The following SRD5A2 variants were observed in gnomAD, a reference collection of about 807,000 sequenced individuals.
SRD5A2 encodes the protein 3-oxo-5-alpha-steroid 4-dehydrogenase 2.
SRD5A2 carries 30 observed loss-of-function variants against 27.4 expected under a neutral mutation model. The observed-to-expected ratio is 1.10, with a 90% confidence interval of 0.82 to 1.49. The LOEUF is 1.49. Among genes scored for constraint, SRD5A2 ranks in the 40% most tolerant of loss-of-function variants. The pLI, the probability that SRD5A2 is intolerant of heterozygous loss-of-function variation, is 0.00. For missense variants in SRD5A2, 348 were observed against 323.4 expected, an observed-to-expected ratio of 1.08 and a Z score of -0.58; for synonymous variants, 141 against 133.6, an observed-to-expected ratio of 1.06 and a Z score of -0.38.
At position 31,539,536 on chromosome 2, in the gene SRD5A2, G is replaced by C. The variant is rs1404527738; in HGVS notation, c.282-5770C>G. The stretch of plus-strand genomic sequence containing the variant: ...CCCTTGCCAGGCTGTGTCAGAAAAG[G>C]CTGGGTAGGGAGTCAGGAATTCCTA... On this transcript the variant is annotated intron_variant, in intron 1 of 4. Coordinates refer to ENST00000622030, the MANE Select transcript of SRD5A2 (RefSeq NM_000348.4). Among the ~76,000 whole-genome samples, 5 of 152,274 alleles carry C rather than the reference G, an allele frequency of 3.3e-5. No individual in the cohort carries two copies. In the East Asian group the frequency reaches 9.7e-4, roughly 29 times the overall value.
chr2:31,553,058 T>C (rs1666412551), intron 1 of SRD5A2, among the ~76,000 whole-genome samples: 1 of 152,052 alleles, frequency 6.6e-6, no homozygotes, highest in African/African-American at 2.4e-5. Context: ...AAAAATGAGA[T>C]TCTCAGTAAA....
chr2:31,625,626 C>T, the SRD5A2 span, among the ~76,000 whole-genome samples: 1 of 152,046 alleles, frequency 6.6e-6, no homozygotes, highest in African/African-American at 2.4e-5. Context: ...GAATCCTTTC[C>T]CCATTTCTTC....
At chr2:31,646,905 G>A in the SRD5A2 span, among the ~76,000 whole-genome samples, 1 of 152,298 alleles carries the variant, frequency 6.6e-6, no homozygotes, top group African/African-American at 2.4e-5. Context: ...CCAACACTTT[G>A]GGAGGTCAAG....
At chr2:31,588,338 G>A in the SRD5A2 span, among the ~76,000 whole-genome samples, 1 of 152,038 alleles carries the variant, frequency 6.6e-6, no homozygotes, top group African/African-American at 2.4e-5. Context: ...AACTCCCAAA[G>A]ATCAAGGATA....
the SRD5A2 span, among the ~76,000 whole-genome samples, chr2:31,591,656 T>C: frequency 9.9e-3 from 1,503 of 151,684 alleles, 20 homozygotes; most frequent in South Asian, 0.044. Flanking sequence ...ATTGCATCAC[T>C]ATTCACAACA....
intron 1 of SRD5A2, among the ~76,000 whole-genome samples, chr2:31,539,650 C>T (rs1345510735): frequency 6.6e-6 from 1 of 152,158 alleles, no homozygotes; most frequent in East Asian, 1.9e-4. Context: ...CATCCTCCTG[C>T]TGGCCTGGGT....
At chr2:31,598,785 CA>C in the SRD5A2 span, among the ~76,000 whole-genome samples, 3 of 151,598 alleles carry the variant, frequency 2.0e-5, no homozygotes, top group Non-Finnish European at 4.4e-5. Context: ...AAACAGGAAA[CA>C]AATAAAAATA....
chr2:31,538,036 G>A (rs186758925), intron 1 of SRD5A2, among the ~76,000 whole-genome samples: 17 of 152,190 alleles, frequency 1.1e-4, no homozygotes, highest in East Asian at 5.8e-4. Context: ...TTATAGCAGC[G>A]CAAAACAGAC....
At chr2:31,536,969 C>G (rs1666040006) in intron 1 of SRD5A2, among the ~76,000 whole-genome samples, 1 of 152,096 alleles carries the variant, frequency 6.6e-6, no homozygotes, top group Non-Finnish European at 1.5e-5. Context: ...TTTATCATTG[C>G]TAAGTAAATA....
intron 1 of SRD5A2, among the ~76,000 whole-genome samples, chr2:31,558,684 G>A (rs551218091): frequency 1.3e-5 from 2 of 152,194 alleles, no homozygotes; most frequent in East Asian, 3.9e-4. Context: ...TGACATTTCG[G>A]TCAATGGCAC....
At chr2:31,599,392 A>G in the SRD5A2 span, among the ~76,000 whole-genome samples, 2 of 152,056 alleles carry the variant, frequency 1.3e-5, no homozygotes, top group Non-Finnish European at 2.9e-5. Context: ...TATTCTCAAA[A>G]TGGGCCATAT....
the SRD5A2 span, among the ~76,000 whole-genome samples, chr2:31,649,625 A>C: frequency 8.6e-5 from 13 of 151,970 alleles, no homozygotes; most frequent in Non-Finnish European, 1.9e-4. Flanking sequence ...CATTTCTTTA[A>C]ATCAGTTTAT....
chr2:31,579,456 T>C (rs1299992977), intron 1 of SRD5A2, among the ~76,000 whole-genome samples: 1 of 152,182 alleles, frequency 6.6e-6, no homozygotes. Flanking sequence ...ACCTTCAAGG[T>C]TTTGATTTCG....
Position 31,533,476 on chromosome 2 carries a change from G to T in SRD5A2, c.445+127C>A, listed in dbSNP as rs574276231. The T allele has an allele frequency of 6.1e-6, 5 of 822,726 alleles. No individual in the cohort carries two copies. In the South Asian group the frequency reaches 8.6e-5, roughly 14 times the overall value. The allele number at this position is 822,726 out of a possible 1,614,324, so 51.0% of individuals were successfully genotyped here. On this transcript the variant is annotated intron_variant, in intron 2 of 4. Transcript: ENST00000622030. The stretch of plus-strand genomic sequence containing the variant: ...GCTACCATATAGAGAAAAGATCAGG[G>T]TAGAGGTGAGGGAGGGGAAGATGGG...
intron 1 of SRD5A2, among the ~76,000 whole-genome samples, chr2:31,538,319 C>T (rs1302180824): frequency 6.6e-6 from 1 of 152,186 alleles, no homozygotes; most frequent in Admixed American, 6.5e-5. Flanking sequence ...CTCTCTCTCT[C>T]TCTCATTCTC....
the SRD5A2 span, among the ~76,000 whole-genome samples, chr2:31,629,387 A>G: frequency 6.6e-6 from 1 of 152,150 alleles, no homozygotes; most frequent in Admixed American, 6.5e-5. Flanking sequence ...CATTTTGGCG[A>G]CCATGAAGGG....
chr2:31,585,688 T>A (rs557114283), upstream of SRD5A2, among the ~76,000 whole-genome samples: 5 of 152,254 alleles, frequency 3.3e-5, no homozygotes, highest in Non-Finnish European at 7.4e-5. Flanking sequence ...TGGGTGAGCC[T>A]CTGAGACTAG....
At chr2:31,632,461 C>G in the SRD5A2 span, among the ~76,000 whole-genome samples, 1 of 152,242 alleles carries the variant, frequency 6.6e-6, no homozygotes, top group Non-Finnish European at 1.5e-5. Context: ...GACGAAGGTC[C>G]TCTGAGTCAG....
the SRD5A2 span, among the ~76,000 whole-genome samples, chr2:31,599,891 T>C: frequency 6.6e-6 from 1 of 151,912 alleles, no homozygotes; most frequent in South Asian, 2.1e-4. Context: ...GTAGGTAAAC[T>C]CTTATCCTGT....
Sources: allele counts gnomAD v4.1 joint callset (sites outside exome capture counted in the v4.1 genomes callset), GRCh38; gene constraint gnomAD v4.1.1; transcripts MANE v1.5; gene names NCBI Gene and HGNC (gene_info 2026-07-23, HGNC 2026-07-21).